NEDD4L: variants seen among roughly 807,000 people sequenced by gnomAD.
NEDD4L encodes the protein NEDD4 like E3 ubiquitin protein ligase.
Under a neutral mutation model 148.9 loss-of-function variants are expected in NEDD4L, and 54 were observed. The ratio of observed to expected loss-of-function variants is 0.36; its 90% CI spans 0.29 to 0.45. NEDD4L has a LOEUF of 0.45. Ranked by LOEUF, NEDD4L falls within the 20% of genes least tolerant of loss-of-function variation. The pLI is 1.00. For synonymous variants in NEDD4L, 433 were observed against 440.7 expected, an observed-to-expected ratio of 0.98 and a Z score of 0.22; for missense variants, 856 against 1,233.8, an observed-to-expected ratio of 0.69 and a Z score of 4.59.
Position 58,333,807 on chromosome 18 carries a change from T to TCTCTTTCCAGCAAAGAGAACC in NEDD4L, c.991-8_991-7insTTTCCAGCAAAGAGAACCCTC. 1 of 1,610,390 alleles carries TCTCTTTCCAGCAAAGAGAACC rather than the reference T, an allele frequency of 6.2e-7. No homozygotes were observed. The highest frequency in any genetic ancestry group is 1.1e-5 in the South Asian group (1 of 90,988). ...TTTCTTGATGCTTCCTGTCTTTTCC[T>TCTCTTTCCAGCAAAGAGAACC]CTCCTTCCAGCAAAGAGAACCCTCC... is the stretch of plus-strand genomic sequence containing the variant. On this transcript the variant is annotated splice_polypyrimidine_tract_variant and intron_variant, in intron 11 of 30. Coordinates refer to ENST00000400345, the MANE Select transcript of NEDD4L (RefSeq NM_001144967.3).
chr18:58,054,709 A>G (rs1346544280), intron 1 of NEDD4L: 1 of 152,266 alleles, frequency 6.6e-6, no homozygotes, highest in East Asian at 1.9e-4. Flanking sequence ...AGCCGTAATT[A>G]TTGTCAGTAA....
chr18:58,315,602 T>G (rs1262168758), intron 5 of NEDD4L, among the ~76,000 whole-genome samples: 4 of 152,214 alleles, frequency 2.6e-5, no homozygotes, highest in African/African-American at 9.6e-5. Flanking sequence ...CTCTTTAGTT[T>G]TTAGCATTGG....
chr18:58,228,179 T>A (rs1356838297), intron 2 of NEDD4L, among the ~76,000 whole-genome samples: 1 of 152,248 alleles, frequency 6.6e-6, no homozygotes, highest in African/African-American at 2.4e-5. Flanking sequence ...TGGAATGTGA[T>A]GCACACAAGT....
chr18:58,337,545 A>G (rs2041926614), intron 13 of NEDD4L, among the ~76,000 whole-genome samples: 1 of 152,112 alleles, frequency 6.6e-6, no homozygotes, highest in African/African-American at 2.4e-5. Flanking sequence ...GGCTGTGTAC[A>G]CATAGGTACA....
intron 5 of NEDD4L, among the ~76,000 whole-genome samples, chr18:58,271,722 C>A (rs1021831924): frequency 6.6e-6 from 1 of 152,132 alleles, no homozygotes; most frequent in Non-Finnish European, 1.5e-5. Context: ...ATGTACCAGT[C>A]GTATATTTTA....
intron 1 of NEDD4L, among the ~76,000 whole-genome samples, chr18:58,081,025 C>A (rs952372230): frequency 5.3e-5 from 8 of 151,988 alleles, no homozygotes; most frequent in African/African-American, 1.9e-4. Flanking sequence ...TTGAAAGCCT[C>A]CTATATGATA....
chr18:58,250,578 G>T (rs2047805702), intron 4 of NEDD4L, among the ~76,000 whole-genome samples: 1 of 152,120 alleles, frequency 6.6e-6, no homozygotes, highest in African/African-American at 2.4e-5. Context: ...TGCTTGTTCT[G>T]TCGCTAGGCT....
At chr18:58,125,186 A>C (rs1568251279) in intron 1 of NEDD4L, among the ~76,000 whole-genome samples, 1 of 152,258 alleles carries the variant, frequency 6.6e-6, no homozygotes, top group Non-Finnish European at 1.5e-5. Context: ...GGTGTGAGGC[A>C]TCGCGCCTGG....
At position 58,206,856 on chromosome 18, in the gene NEDD4L, G is replaced by C. The variant is rs543525005; in HGVS notation, c.123-38571G>C. Among the ~76,000 whole-genome samples the C allele has an allele frequency of 1.3e-5, 2 of 152,150 alleles. 1 individual carries two copies. The highest frequency in any genetic ancestry group is 4.8e-5 in the African/African-American group (2 of 41,430). ...ACGAACATACAGGTAGGAATCAATT[G>C]CATCCCCACCTGGGCACCTTCATCG... is the stretch of plus-strand genomic sequence containing the variant. On this transcript the variant is annotated intron_variant, in intron 2 of 30. Coordinates refer to ENST00000400345, the MANE Select transcript of NEDD4L (RefSeq NM_001144967.3).
intron 1 of NEDD4L, among the ~76,000 whole-genome samples, chr18:58,146,349 G>A (rs1212060991): frequency 6.6e-6 from 1 of 152,150 alleles, no homozygotes; most frequent in Admixed American, 6.5e-5. Flanking sequence ...GGGGCTCAGG[G>A]AGTCATTTGT....
intron 1 of NEDD4L, among the ~76,000 whole-genome samples, chr18:58,148,562 T>G (rs971801285): frequency 6.6e-6 from 1 of 152,232 alleles, no homozygotes; most frequent in Non-Finnish European, 1.5e-5. Flanking sequence ...GGTGGCCCCT[T>G]GCTGTGCCCT....
chr18:58,261,065 A>AT (rs1246582999), intron 5 of NEDD4L, among the ~76,000 whole-genome samples: 2 of 152,196 alleles, frequency 1.3e-5, no homozygotes, highest in Admixed American at 1.3e-4. Flanking sequence ...GTGAACAACC[A>AT]TTTTTTGATC....
At chr18:58,159,187 G>A (rs757329638) in intron 1 of NEDD4L, among the ~76,000 whole-genome samples, 21 of 152,000 alleles carry the variant, frequency 1.4e-4, no homozygotes, top group Non-Finnish European at 2.8e-4. Flanking sequence ...TGACAGGAAG[G>A]TGTGTGGGGT....
At chr18:58,085,081 G>C (rs953209209) in intron 1 of NEDD4L, among the ~76,000 whole-genome samples, 1 of 152,162 alleles carries the variant, frequency 6.6e-6, no homozygotes, top group Non-Finnish European at 1.5e-5. Context: ...AGAGCCCAGC[G>C]TAATGGCCTC....
intron 5 of NEDD4L, among the ~76,000 whole-genome samples, chr18:58,294,152 C>T (rs77919088): frequency 2.6e-5 from 4 of 152,298 alleles, no homozygotes; most frequent in East Asian, 3.9e-4. Flanking sequence ...ATCGATATCA[C>T]GGAAATACAC....
At chr18:58,075,846 T>A (rs1018806573) in intron 1 of NEDD4L, among the ~76,000 whole-genome samples, 1 of 152,074 alleles carries the variant, frequency 6.6e-6, no homozygotes, top group African/African-American at 2.4e-5. Context: ...GGAAGATTGC[T>A]TGAATCCAGG....
intron 5 of NEDD4L, among the ~76,000 whole-genome samples, chr18:58,254,295 C>A (rs964117899): frequency 1.3e-5 from 2 of 151,862 alleles, no homozygotes; most frequent in African/African-American, 2.4e-5. Context: ...TCTAAATAAA[C>A]CTCTTTGTTA....
Position 58,214,876 on chromosome 18 carries a change from A to G in NEDD4L, c.123-30551A>G, listed in dbSNP as rs559449385. On this transcript the variant is annotated intron_variant, in intron 2 of 30. Coordinates refer to ENST00000400345, the MANE Select transcript of NEDD4L (RefSeq NM_001144967.3). The stretch of plus-strand genomic sequence containing the variant: ...ACCCAGGCTGGAGTGCAGCGATGCC[A>G]TCTCAGCTCACTGCAACCTCTGCCT... 2.0e-5 allele frequency among the ~76,000 whole-genome samples: 3 copies of G among 147,864 alleles called. No individual in the cohort carries two copies. In the East Asian group the frequency reaches 5.9e-4, roughly 29 times the overall value.
At chr18:58,135,911 G>A (rs2032788701) in intron 1 of NEDD4L, among the ~76,000 whole-genome samples, 1 of 152,218 alleles carries the variant, frequency 6.6e-6, no homozygotes, top group South Asian at 2.1e-4. Flanking sequence ...GTTGGGTTTT[G>A]TTTTGCTCAT....
Sources: gnomAD v4.1 joint callset for allele counts (sites outside exome capture counted in the v4.1 genomes callset) on GRCh38, gnomAD v4.1.1 for gene constraint, MANE v1.5 for transcripts, NCBI Gene and HGNC (gene_info 2026-07-23, HGNC 2026-07-21) for gene names.